PTPRK: variants seen among roughly 807,000 people sequenced by gnomAD.
PTPRK encodes protein tyrosine phosphatase receptor type K, also known as receptor-type tyrosine-protein phosphatase kappa.
A neutral mutation model predicts 178.0 loss-of-function variants in PTPRK; 75 were observed. That is an observed-to-expected ratio of 0.42 (90% CI 0.35 to 0.51). PTPRK has a LOEUF of 0.51. Ranked by LOEUF, PTPRK falls within the 20% of genes least tolerant of loss-of-function variation. The pLI, the probability that PTPRK is intolerant of heterozygous loss-of-function variation, is 0.02. For synonymous variants in PTPRK, 637 were observed against 620.6 expected, an observed-to-expected ratio of 1.03 and a Z score of -0.39; for missense variants, 1,441 against 1,797.8, an observed-to-expected ratio of 0.80 and a Z score of 3.59.
chr6:128,516,775 T>A lies in PTPRK; in HGVS notation c.100+3484A>T, dbSNP rs929442290. On this transcript the variant is annotated intron_variant, in intron 1 of 29. Coordinates refer to ENST00000368226, the MANE Select transcript of PTPRK (RefSeq NM_002844.4). ...TCTCTAGGTCATTGATAAGACTGCA[T>A]CTAGAAAGCTACATATTATTCTCAA... 2.6e-5 allele frequency among the ~76,000 whole-genome samples: 4 copies of A among 152,084 alleles called. 1 individual carries two copies. The South Asian group carries it at 8.3e-4, about 32-fold the overall frequency.
intron 3 of PTPRK, among the ~76,000 whole-genome samples, chr6:128,255,538 A>G (rs1817143266): frequency 1.3e-5 from 2 of 152,254 alleles, no homozygotes; most frequent in South Asian, 4.1e-4. Flanking sequence ...GATGTTGTCT[A>G]TGAAAACAGA....
At chr6:128,304,284 G>A (rs1826058212) in intron 3 of PTPRK, among the ~76,000 whole-genome samples, 2 of 152,060 alleles carry the variant, frequency 1.3e-5, no homozygotes, top group Admixed American at 6.6e-5. Flanking sequence ...TTTAATTAAT[G>A]TCACTACTGA....
chr6:128,346,751 C>T (rs1562326699), intron 2 of PTPRK, among the ~76,000 whole-genome samples: 1 of 152,114 alleles, frequency 6.6e-6, no homozygotes, highest in Non-Finnish European at 1.5e-5. Flanking sequence ...GCCCCTTCAT[C>T]TGTCAAACAG....
chr6:128,301,940 T>C (rs189230482), intron 3 of PTPRK, among the ~76,000 whole-genome samples: 10 of 152,294 alleles, frequency 6.6e-5, no homozygotes, highest in Admixed American at 5.2e-4. Flanking sequence ...CTGCTTTAGG[T>C]AGATTATTTT....
At chr6:128,009,293 G>T in intron 13 of PTPRK, 25 bp from the exon 14 acceptor site, 1 of 1,584,004 alleles carries the variant, frequency 6.3e-7, no homozygotes, top group Non-Finnish European at 8.6e-7. Flanking sequence ...AAAAAAATCA[G>T]TTACTGAAAG....
intron 10 of PTPRK, among the ~76,000 whole-genome samples, chr6:128,081,948 A>G (rs1259537597): frequency 6.6e-6 from 1 of 152,044 alleles, no homozygotes; most frequent in Non-Finnish European, 1.5e-5. Flanking sequence ...TTTAAAACTT[A>G]TATGTATTTA....
At chr6:128,156,960 G>C in intron 7 of PTPRK, among the ~76,000 whole-genome samples, 1 of 151,738 alleles carries the variant, frequency 6.6e-6, no homozygotes, top group East Asian at 1.9e-4. Flanking sequence ...TTTTCTTTCG[G>C]TTTCTATGCC....
intron 1 of PTPRK, among the ~76,000 whole-genome samples, chr6:128,423,891 TAAG>T (rs1843780386): frequency 6.6e-6 from 1 of 151,728 alleles, no homozygotes; most frequent in Admixed American, 6.6e-5. Flanking sequence ...AATTGACTCT[TAAG>T]AGAACTATAG....
intron 13 of PTPRK, among the ~76,000 whole-genome samples, chr6:128,020,101 A>G (rs1773260014): frequency 6.6e-6 from 1 of 152,198 alleles, no homozygotes; most frequent in South Asian, 2.1e-4. Flanking sequence ...AAGTAAAAAA[A>G]GAAATACCCT....
intron 1 of PTPRK, chr6:128,518,870 C>A: frequency 2.5e-6 from 1 of 400,540 alleles, no homozygotes. Context: ...ACTCCCTTTA[C>A]AGAGTTCTAA....
rs985610208 is a variant in PTPRK, at chr6:128,162,124, T to C, written c.1162+22308A>G. 2.6e-5 allele frequency among the ~76,000 whole-genome samples: 4 copies of C among 151,688 alleles called. No individual in the cohort carries two copies. The Admixed American group carries it at 2.6e-4, about 10-fold the overall frequency. On this transcript the variant is annotated intron_variant, in intron 7 of 29. Transcript: ENST00000368226. ...AACAGTAAGTGGCAATATACCATTA[T>C]ACAACCTAATGAGGATACTAGTTTT...
At chr6:128,171,732 T>C (rs1800289864) in intron 7 of PTPRK, among the ~76,000 whole-genome samples, 2 of 152,032 alleles carry the variant, frequency 1.3e-5, no homozygotes, top group Admixed American at 1.3e-4. Context: ...GCTGTAAGTA[T>C]GCCCTATTGT....
intron 11 of PTPRK, among the ~76,000 whole-genome samples, chr6:128,070,769 C>A (rs1782676124): frequency 6.6e-6 from 1 of 151,670 alleles, no homozygotes; most frequent in African/African-American, 2.4e-5. Context: ...AAAGCTGATA[C>A]AATAGCCATT....
At chr6:128,243,265 T>C (rs1301939594) in intron 3 of PTPRK, among the ~76,000 whole-genome samples, 1 of 151,364 alleles carries the variant, frequency 6.6e-6, no homozygotes, top group Non-Finnish European at 1.5e-5. Flanking sequence ...TATCCAAGAA[T>C]GTTAAGAAAA....
At chr6:128,483,652 T>C (rs1299998936) in intron 1 of PTPRK, among the ~76,000 whole-genome samples, 1 of 152,066 alleles carries the variant, frequency 6.6e-6, no homozygotes, top group East Asian at 1.9e-4. Flanking sequence ...GTCTCAGACA[T>C]TGCACAATGC....
intron 2 of PTPRK, among the ~76,000 whole-genome samples, chr6:128,359,843 T>C (rs1328540909): frequency 1.3e-5 from 2 of 152,184 alleles, no homozygotes; most frequent in Admixed American, 6.5e-5. Context: ...TCTCAATTAA[T>C]AAGTGAAGAA....
At chr6:128,360,912 C>G (rs983638195) in intron 2 of PTPRK, among the ~76,000 whole-genome samples, 10 of 152,048 alleles carry the variant, frequency 6.6e-5, no homozygotes, top group African/African-American at 2.4e-4. Context: ...ATGAAATAAC[C>G]TGTGTCATAA....
At chr6:128,046,468 T>C (rs1264840791) in intron 13 of PTPRK, among the ~76,000 whole-genome samples, 1 of 152,036 alleles carries the variant, frequency 6.6e-6, no homozygotes, top group Non-Finnish European at 1.5e-5. Context: ...AAAAGCCACA[T>C]CCCTGCCCAA....
At position 128,340,731 on chromosome 6, in the gene PTPRK, A is replaced by C. The variant is rs201520329; in HGVS notation, c.224-18421T>G. The C allele has an allele frequency of 1.8e-3, 813 of 443,274 alleles. 6 individuals are homozygous for C. The highest frequency in any genetic ancestry group is 9.1e-3 in the South Asian group (509 of 55,950). 27.5% of individuals were successfully genotyped at this position (443,274 alleles called of 1,614,324 possible). A position where few individuals can be genotyped will look rare whatever the true frequency, so the allele number is the denominator to read the frequency against. ...GCTTTGTGGAACCAAAAATGCAAATAGATTTAAGAGTGGCAAATAGGTACT... is the reference window on the plus strand; with the variant it reads ...GCTTTGTGGAACCAAAAATGCAAATCGATTTAAGAGTGGCAAATAGGTACT... On this transcript the variant is annotated intron_variant, in intron 2 of 29. Transcript: ENST00000368226.
Sources: gnomAD v4.1 joint callset for allele counts (sites outside exome capture counted in the v4.1 genomes callset) on GRCh38, gnomAD v4.1.1 for gene constraint, MANE v1.5 for transcripts, NCBI Gene and HGNC (gene_info 2026-07-23, HGNC 2026-07-21) for gene names.